ODC1: variants seen among roughly 807,000 people sequenced by gnomAD.
ODC1 encodes the protein ornithine decarboxylase.
ODC1 carries 18 observed loss-of-function variants against 41.5 expected under a neutral mutation model. The observed-to-expected ratio is 0.43, with a 90% CI of 0.30 to 0.64. ODC1 has a LOEUF of 0.64. Among genes scored for constraint, ODC1 ranks in the 30% least tolerant of loss-of-function variants. The pLI, the probability that ODC1 is intolerant of heterozygous loss-of-function variation, is 0.11. For missense variants in ODC1, 504 were observed against 589.0 expected (o/e 0.86, Z 1.49); for synonymous variants, 218 against 211.6 (o/e 1.03, Z -0.26).
At chr2:10,444,074 T>C in intron 5 of ODC1, 21 bp downstream of exon 5, 1 of 1,563,456 alleles carries the variant, frequency 6.4e-7, no homozygotes, top group Non-Finnish European at 8.7e-7. Flanking sequence ...GATCTTGCCC[T>C]CAGATGGGGG....
At chr2:10,446,221 C>T (rs996751020) in intron 1 of ODC1, among the ~76,000 whole-genome samples, 2 of 151,754 alleles carry the variant, frequency 1.3e-5, no homozygotes, top group Admixed American at 6.6e-5. Flanking sequence ...TCAACCTCCG[C>T]CTCCTGGGTT....
At chr2:10,443,402 C>A in intron 7 of ODC1, 88 bp downstream of exon 7, 11 of 1,552,030 alleles carry the variant, frequency 7.1e-6, no homozygotes, top group Non-Finnish European at 9.8e-6. Context: ...AATACAGAAC[C>A]AACTGCCATA....
rs749654916 is a variant in ODC1, at chr2:10,441,830, G to A, written c.1013C>T (p.Pro338Leu). 4 of 1,613,910 alleles carry A rather than the reference G, an allele frequency of 2.5e-6. No individual in the cohort carries two copies. The highest frequency in any genetic ancestry group is 2.5e-6 in the Non-Finnish European group (3 of 1,179,972). The change falls in exon 10 of 12, where the codon CCC (proline) becomes CTC (leucine). Residue 338 changes from proline to leucine, a missense_variant. Pro to Leu is a moderately conservative substitution (Grantham distance 98). Coordinates refer to ENST00000234111, the MANE Select transcript of ODC1 (RefSeq NM_002539.3). ...CTCAGAAATTACCTTTTGCAGAAGG[G>A]GCTTTACATGTGCGTGGTCATAGAG... is the stretch of plus-strand genomic sequence containing the variant. ...CILYDHAHVK[P>L]LLQKRPKPDE...
chr2:10,443,736 C>T lies in ODC1; in HGVS notation c.550G>A (p.Ala184Thr). The part of the protein sequence containing the change: ...LRTSRLLLER[A>T]KELNIDVVGV... Reference sequence around the variant, plus strand: ...ACAACATCGATATTTAGCTCTTTCGCCCGTTCCAAAAGGAGCCTGCTGGTT... The same window carrying T: ...ACAACATCGATATTTAGCTCTTTCGTCCGTTCCAAAAGGAGCCTGCTGGTT... The change falls in exon 6 of 12, where the codon GCG becomes ACG. Residue 184 changes from alanine (A) to threonine (T), a missense_variant. Physicochemically the swap from Ala to Thr is moderately conservative, Grantham distance 58. Transcript: ENST00000234111. The T allele has an allele frequency of 6.2e-7, 1 of 1,614,224 alleles. No homozygotes were observed. Among genetic ancestry groups the T allele is most frequent in the Non-Finnish European group, 8.5e-7 (1 of 1,180,050 alleles).
chr2:10,441,380 T>C (rs774623387), intron 11 of ODC1, 129 bp downstream of exon 11: 3 of 978,508 alleles, frequency 3.1e-6, no homozygotes, highest in Middle Eastern at 3.1e-4. Context: ...TTCTAAAACT[T>C]TTCTTAGGAA....
rs753695781 is a variant in ODC1 at position 10,443,688 on chromosome 2, C to G, written c.584+14G>C. On this transcript the variant is annotated intron_variant, in intron 6 of 11. Transcript: ENST00000234111. ...TCAATGTCTTGACCTCTAGCTATCC[C>G]ACCAAAATCTCACCTGACACCAACA... The G allele has an allele frequency of 1.2e-6, 2 of 1,613,606 alleles. No homozygotes were observed. The highest frequency in any genetic ancestry group is 3.3e-5 in the Admixed American group (2 of 60,016).
chr2:10,445,093 G>A (rs1453100869), intron 2 of ODC1, 44 bp from the exon 3 acceptor site: 1 of 1,023,530 alleles, frequency 9.8e-7, no homozygotes, highest in African/African-American at 1.6e-5. Flanking sequence ...AATTCACTTA[G>A]AAGCCTTAGC....
Position 10,440,462 on chromosome 2 carries a change from A to G in ODC1, c.*262T>C. 1 of 350,742 alleles carries G rather than the reference A, an allele frequency of 2.9e-6. No homozygotes were observed. Among genetic ancestry groups the G allele is most frequent in the Non-Finnish European group, 5.2e-6 (1 of 192,110 alleles). 21.7% of individuals were successfully genotyped at this position (350,742 alleles called of 1,614,324 possible). ...GGCCCATTCTGCCATTGTACAAGCT[A>G]CAAATGCTTGTTCAGCAGCTGAGGG... On this transcript the variant is annotated 3_prime_UTR_variant, in exon 12 of 12. Transcript: ENST00000234111.
intron 8 of ODC1, 30 bp from the exon 9 acceptor site, chr2:10,442,204 A>G: frequency 6.4e-7 from 1 of 1,571,818 alleles, no homozygotes; most frequent in Non-Finnish European, 8.6e-7. Context: ...AAGAAAGAGC[A>G]GCCTTCATTG....
intron 8 of ODC1, 31 bp downstream of exon 8, chr2:10,443,199 T>TG (rs779149420): frequency 6.6e-7 from 1 of 1,512,194 alleles, no homozygotes; most frequent in Admixed American, 1.9e-5. Flanking sequence ...TTAGAACGGC[T>TG]ACTGAGTATT....
intron 3 of ODC1, 101 bp from the exon 4 acceptor site, chr2:10,444,748 CTT>C (rs1671952739): frequency 1.9e-6 from 2 of 1,078,362 alleles, no homozygotes; most frequent in Admixed American, 4.4e-5. Flanking sequence ...GAATCCTGCT[CTT>C]TTGAGTCTAG....
rs1052118215 is a variant in ODC1, at chr2:10,444,966, T to G, written c.67A>C (p.Ile23Leu). 13 of 1,613,708 alleles carry G rather than the reference T, an allele frequency of 8.1e-6. No homozygotes were observed. Among genetic ancestry groups the G allele is most frequent in the Middle Eastern group, 1.6e-4 (1 of 6,076 alleles). ...ACTTCATTAATTTTCTGGTCCAGAA[T>G]GTCCTTGGCAGTAAAACCTTCATCG... ...FLDEGFTAKD[I>L]LDQKINEVSS... The change falls in exon 3 of 12, where the codon ATT becomes CTT. Residue 23 changes from isoleucine to leucine, a missense_variant. Physicochemically the swap from Ile to Leu is conservative, Grantham distance 5. This residue lies in a region of ODC1 where 53 missense variants were observed against 46.3 expected (regional missense o/e 1.14). Coordinates refer to ENST00000234111, the MANE Select transcript of ODC1 (RefSeq NM_002539.3).
In ODC1 at chr2:10,440,509, G is replaced by A; in HGVS notation, c.*215C>T. On this transcript the variant is annotated 3_prime_UTR_variant, in exon 12 of 12. Transcript: ENST00000234111. The stretch of plus-strand genomic sequence containing the variant: ...AGGGGCACTCTTGAGTAGCGTGTCT[G>A]AAGAGTGAATAAAAATCCATATAAA... 2.1e-6 allele frequency: 1 copy of A among 475,824 alleles called. No individual in the cohort carries two copies. The highest frequency in any genetic ancestry group is 3.7e-6 in the Non-Finnish European group (1 of 270,124). The allele number at this position is 475,824 out of a possible 1,614,324, so 29.5% of individuals were successfully genotyped here. A position where few individuals can be genotyped will look rare whatever the true frequency, so the allele number is the denominator to read the frequency against.
Position 10,445,332 on chromosome 2 carries a change from C to T in ODC1, c.-127-68G>A, listed in dbSNP as rs28362393. ...CATCGAGTTGAAGATGGGGCACTGG[C>T]TGAGCACACGCAGAGCTAATCATGC... On this transcript the variant is annotated intron_variant, in intron 1 of 11. Transcript: ENST00000234111. 2,713 of 336,352 alleles carry T rather than the reference C, an allele frequency of 8.1e-3. 61 individuals carry two copies. Among genetic ancestry groups the T allele is most frequent in the African/African-American group, 0.052 (2,416 of 46,604 alleles). The allele number at this position is 336,352 out of a possible 1,614,324, so 20.8% of individuals were successfully genotyped here. A position where few individuals can be genotyped will look rare whatever the true frequency, so the allele number is the denominator to read the frequency against.
chr2:10,441,925 T>C lies in ODC1; in HGVS notation c.918A>G (p.Glu306=). The C allele has an allele frequency of 6.2e-7, 1 of 1,614,084 alleles. No homozygotes were observed. The highest frequency in any genetic ancestry group is 1.1e-5 in the South Asian group (1 of 91,084). The change falls in exon 10 of 12, where the codon GAA becomes GAG. Residue 306 remains glutamate, a synonymous_variant. Coordinates refer to ENST00000234111, the MANE Select transcript of ODC1 (RefSeq NM_002539.3). ...TAAAGGTCTGCTCACTCGACTCATCTTCGTCTAGAAAGGCAGATCAACAAT... is the reference window on the plus strand; with the variant it reads ...TAAAGGTCTGCTCACTCGACTCATCCTCGTCTAGAAAGGCAGATCAACAAT... The part of the protein sequence containing the change: ...VLKEQTGSDD[E]DESSEQTFMY...
At chr2:10,441,448 A>G in intron 11 of ODC1, 61 bp downstream of exon 11, 4 of 1,510,926 alleles carry the variant, frequency 2.6e-6, no homozygotes, top group Non-Finnish European at 2.7e-6. Context: ...CTAGACAAGA[A>G]GCACACATCC....
rs1423038075 is a variant in ODC1 at position 10,445,159 on chromosome 2, A to G, written c.-22T>C. On this transcript the variant is annotated 5_prime_UTR_variant, in exon 2 of 12. Transcript: ENST00000234111. ...AAATGTAAACTGAATACTTACATGG[A>G]AAACTAAGAGATGGAATTGAAAGAA... 1.6e-5 allele frequency: 10 copies of G among 621,574 alleles called. No homozygotes were observed. Among genetic ancestry groups the G allele is most frequent in the Non-Finnish European group, 2.9e-5 (10 of 350,266 alleles). 38.5% of individuals were successfully genotyped at this position (621,574 alleles called of 1,614,324 possible).
rs139964676 is a variant in ODC1 at position 10,440,774 on chromosome 2, C to T, written c.1336G>A (p.Gly446Arg). Residue 446 changes from glycine (G) to arginine (R), a missense_variant, in exon 12 of 12, where the codon GGG becomes AGG. Gly to Arg is a moderately radical substitution (Grantham distance 125, BLOSUM62 -2). Transcript: ENST00000234111. ...CAGGCTGCTCTGTGGCGTTTCATCC[C>T]ACTCTCCCAGGCACAAGACACAGGC... Reference protein sequence around the residue: ...TLPVSCAWESGMKRHRAACAS... With the variant: ...TLPVSCAWESRMKRHRAACAS... 3.0e-5 allele frequency: 48 copies of T among 1,614,040 alleles called. No individual in the cohort carries two copies. The highest frequency in any genetic ancestry group is 3.6e-5 in the Non-Finnish European group (43 of 1,180,026).
At chr2:10,446,837 T>A (rs1672032017) in intron 1 of ODC1, 1 of 287,598 alleles carries the variant, frequency 3.5e-6, no homozygotes, top group Admixed American at 4.9e-5. Flanking sequence ...CTGTCATAAA[T>A]CCAAACCCAT....
Sources: allele counts gnomAD v4.1 joint callset (sites outside exome capture counted in the v4.1 genomes callset), GRCh38; gene constraint gnomAD v4.1.1; regional missense constraint gnomAD v4.1.1; transcripts MANE v1.5; gene names NCBI Gene and HGNC (gene_info 2026-07-23, HGNC 2026-07-21).